DMXL1: variants seen among roughly 807,000 people sequenced by gnomAD.
DMXL1 encodes the protein dmX-like protein 1.
A neutral mutation model predicts 319.2 loss-of-function variants in DMXL1; 99 were observed. The ratio of observed to expected loss-of-function variants is 0.31; its 90% confidence interval spans 0.26 to 0.37. The LOEUF is 0.37. Ranked by LOEUF, DMXL1 falls within the 10% of genes least tolerant of loss-of-function variation. DMXL1 has a pLI of 1.00. For missense variants in DMXL1, 3,745 were observed against 3,595.6 expected (o/e 1.04, Z -1.06); for synonymous variants, 1,385 against 1,235.2 (o/e 1.12, Z -2.54).
At chr5:119,129,072 C>T (rs540837397) in intron 9 of DMXL1, 139 bp from the exon 10 acceptor site, 1 of 630,212 alleles carries the variant, frequency 1.6e-6, no homozygotes, top group Non-Finnish European at 2.6e-6. Context: ...AACAAAATCT[C>T]AAAATAAAAT....
intron 19 of DMXL1, among the ~76,000 whole-genome samples, chr5:119,163,010 C>A (rs1431763056): frequency 1.3e-5 from 2 of 152,038 alleles, no homozygotes; most frequent in South Asian, 4.1e-4. Flanking sequence ...TAATGCTAAA[C>A]AAAATGTATT....
chr5:119,150,561 G>A (rs929225070), intron 18 of DMXL1, 140 bp downstream of exon 18: 2 of 925,614 alleles, frequency 2.2e-6, no homozygotes, highest in Non-Finnish European at 1.5e-6. Context: ...GGCTGAGGCA[G>A]GAGGATCACT....
intron 10 of DMXL1, 32 bp downstream of exon 10, chr5:119,129,455 T>C: frequency 6.6e-7 from 1 of 1,518,768 alleles, no homozygotes; most frequent in Non-Finnish European, 8.9e-7. Context: ...AAATTTAAAG[T>C]TTTGCTCAAA....
intron 43 of DMXL1, among the ~76,000 whole-genome samples, chr5:119,245,541 C>CTTT (rs1189893917): frequency 1.5e-5 from 2 of 133,826 alleles, no homozygotes; most frequent in Admixed American, 7.5e-5. Context: ...TAAGTCGGTT[C>CTTT]TTTTTTTTTT....
chr5:119,217,529 T>C (rs367904764), intron 35 of DMXL1, among the ~76,000 whole-genome samples: 4 of 152,200 alleles, frequency 2.6e-5, no homozygotes, highest in East Asian at 1.9e-4. Flanking sequence ...TTATTAATCA[T>C]TTTCCCCTTC....
At chr5:119,189,344 G>A (rs887045881) in intron 28 of DMXL1, among the ~76,000 whole-genome samples, 1 of 152,028 alleles carries the variant, frequency 6.6e-6, no homozygotes, top group Non-Finnish European at 1.5e-5. Flanking sequence ...AATTAACACT[G>A]ACATCCCATG....
At chr5:119,232,977 T>C (rs965413959) in intron 38 of DMXL1, among the ~76,000 whole-genome samples, 2 of 151,830 alleles carry the variant, frequency 1.3e-5, no homozygotes, top group African/African-American at 2.4e-5. Context: ...CATTTACACA[T>C]TAATAGTATA....
intron 25 of DMXL1, 77 bp from the exon 26 acceptor site, chr5:119,175,184 T>G: frequency 9.3e-7 from 1 of 1,070,870 alleles, no homozygotes; most frequent in Non-Finnish European, 1.3e-6. Context: ...TTAAAAATGC[T>G]GATTATATTA....
chr5:119,196,297 T>G, intron 30 of DMXL1, 74 bp from the exon 31 acceptor site: 1 of 1,132,638 alleles, frequency 8.8e-7, no homozygotes, highest in Admixed American at 1.7e-5. Flanking sequence ...TGGAATTTGT[T>G]GAGTCAAAGG....
intron 33 of DMXL1, among the ~76,000 whole-genome samples, chr5:119,204,080 C>G (rs1781322187): frequency 6.6e-6 from 1 of 152,034 alleles, no homozygotes; most frequent in African/African-American, 2.4e-5. Context: ...CCTCAGCCTC[C>G]CAAAGTGCTA....
intron 25 of DMXL1, among the ~76,000 whole-genome samples, chr5:119,173,672 ATGTGTGTGTGTGTGTG>A (rs771056976): frequency 1.8e-5 from 2 of 110,156 alleles, no homozygotes; most frequent in African/African-American, 5.8e-5. Flanking sequence ...AGTAGGATGT[ATGTGTGTGTGTGTGTG>A]TGTGTGTGTG....
At position 119,186,062 on chromosome 5, in the gene DMXL1, A is replaced by G. The variant is rs999412099; in HGVS notation, c.7136-3646A>G. On this transcript the variant is annotated intron_variant, in intron 28 of 43. Transcript: ENST00000539542. ...AGACTGAATTGGCTTGCTGAAAGCA[A>G]GAAATAAATTTGAAATCTGTTTGTC... is the stretch of plus-strand genomic sequence containing the variant. Among the ~76,000 whole-genome samples the G allele has an allele frequency of 5.9e-5, 9 of 152,358 alleles. 1 individual carries two copies. In the South Asian group the frequency reaches 1.0e-3, roughly 18 times the overall value.
chr5:119,142,316 A>G (rs1344318702), intron 13 of DMXL1, among the ~76,000 whole-genome samples: 1 of 152,032 alleles, frequency 6.6e-6, no homozygotes, highest in African/African-American at 2.4e-5. Context: ...TGAATATCCA[A>G]CATCTGTAAG....
intron 27 of DMXL1, among the ~76,000 whole-genome samples, chr5:119,177,716 G>C (rs1243457154): frequency 2.0e-5 from 3 of 151,694 alleles, no homozygotes; most frequent in African/African-American, 7.3e-5. Context: ...AAATCATTTT[G>C]CTTTTGACAT....
At chr5:119,078,721 G>A (rs925563229) in intron 1 of DMXL1, among the ~76,000 whole-genome samples, 3 of 152,050 alleles carry the variant, frequency 2.0e-5, no homozygotes, top group Non-Finnish European at 4.4e-5. Flanking sequence ...CAAAATGCTG[G>A]GATTACAGAC....
Position 119,082,179 on chromosome 5 carries a change from G to A in DMXL1, c.87+10523G>A, listed in dbSNP as rs145202918. ...CAGGCTGCAGTGTAGTGGCGCAGTC[G>A]TAACTCACTGCAGCCTCAAACTCTT... On this transcript the variant is annotated intron_variant, in intron 1 of 43. Transcript: ENST00000539542. 1.7e-3 allele frequency among the ~76,000 whole-genome samples: 265 copies of A among 151,948 alleles called. 2 individuals are homozygous for A. The highest frequency in any genetic ancestry group is 6.2e-3 in the African/African-American group (256 of 41,458).
At chr5:119,123,964 A>G (rs1329976111) in intron 9 of DMXL1, among the ~76,000 whole-genome samples, 2 of 150,934 alleles carry the variant, frequency 1.3e-5, no homozygotes, top group Non-Finnish European at 2.9e-5. Context: ...TATTTGCAGC[A>G]ACTCACTGGA....
At chr5:119,195,556 A>C (rs1318049734) in intron 30 of DMXL1, among the ~76,000 whole-genome samples, 2 of 152,294 alleles carry the variant, frequency 1.3e-5, no homozygotes, top group East Asian at 3.9e-4. Flanking sequence ...AAAATAAAAT[A>C]GTGGTTTTCA....
intron 32 of DMXL1, among the ~76,000 whole-genome samples, chr5:119,201,690 A>G (rs1485336325): frequency 6.6e-6 from 1 of 152,128 alleles, no homozygotes; most frequent in Non-Finnish European, 1.5e-5. Flanking sequence ...CTGCGAATCC[A>G]TCTGGTTCTA....
Sources: gnomAD v4.1 joint callset for allele counts (sites outside exome capture counted in the v4.1 genomes callset) on GRCh38, gnomAD v4.1.1 for gene constraint, MANE v1.5 for transcripts, NCBI Gene and HGNC (gene_info 2026-07-23, HGNC 2026-07-21) for gene names.